Variants in BEND7 observed in about 807,000 individuals in gnomAD.
BEND7 encodes BEN domain-containing protein 7.
Under a neutral mutation model 50.9 loss-of-function variants are expected in BEND7, and 28 were observed. The observed-to-expected ratio is 0.55, with a 90% CI of 0.41 to 0.75. The LOEUF (loss-of-function observed/expected upper bound fraction) is 0.75, where lower values mean the gene tolerates loss of function less well. Among genes scored for constraint, BEND7 ranks in the 30% least tolerant of loss-of-function variants. The pLI is 0.00. For synonymous variants in BEND7, 170 were observed against 183.9 expected (o/e 0.92, Z 0.61); for missense variants, 477 against 491.3 (o/e 0.97, Z 0.28).
At chr10:13,497,869 G>A (rs1439525948) in intron 3 of BEND7, among the ~76,000 whole-genome samples, 1 of 151,908 alleles carries the variant, frequency 6.6e-6, no homozygotes, top group Non-Finnish European at 1.5e-5. Flanking sequence ...CTTAAATCCT[G>A]TAATATGCAT....
At position 13,441,629 on chromosome 10, in the gene BEND7, G is replaced by A; in HGVS notation, c.*114C>T. On this transcript the variant is annotated 3_prime_UTR_variant, in exon 9 of 9. Coordinates refer to ENST00000466271, the MANE Select transcript of BEND7 (RefSeq NM_001369863.1). ...TCATCCTATTTTAACACGGCGAAAG[G>A]TCACCAATTAATCTTCTCCCTTCCC... 6.3e-7 allele frequency: 1 copy of A among 1,578,456 alleles called. No individual in the cohort carries two copies. Among genetic ancestry groups the A allele is most frequent in the Non-Finnish European group, 8.6e-7 (1 of 1,164,236 alleles).
intron 8 of BEND7, chr10:13,446,691 T>G (rs192865054): frequency 6.5e-6 from 1 of 153,756 alleles, no homozygotes; most frequent in East Asian, 1.9e-4. Context: ...GTTGGAATTA[T>G]GTCTATGGCT....
chr10:13,480,894 C>G lies in BEND7; in HGVS notation c.1063+5G>C. On this transcript the variant is annotated splice_donor_5th_base_variant and intron_variant, in intron 6 of 8. Coordinates refer to ENST00000466271, the MANE Select transcript of BEND7 (RefSeq NM_001369863.1). ...AACCCACAAAATGAAATGATGCAGA[C>G]CAACCTTTTATTGCACCCACAATAT... 1 of 1,614,048 alleles carries G rather than the reference C, an allele frequency of 6.2e-7. No individual in the cohort carries two copies. The highest frequency in any genetic ancestry group is 8.5e-7 in the Non-Finnish European group (1 of 1,179,998).
At chr10:13,451,994 G>A (rs769139182) in intron 7 of BEND7, among the ~76,000 whole-genome samples, 1 of 152,008 alleles carries the variant, frequency 6.6e-6, no homozygotes, top group Non-Finnish European at 1.5e-5. Flanking sequence ...AATGAAACGG[G>A]TGCTCACTTT....
In BEND7 at chr10:13,441,697, A is replaced by C. The variant is rs1357208219; in HGVS notation, c.*46T>G. The C allele has an allele frequency of 6.2e-7, 1 of 1,612,552 alleles. No homozygotes were observed. The highest frequency in any genetic ancestry group is 8.5e-7 in the Non-Finnish European group (1 of 1,179,578). On this transcript the variant is annotated 3_prime_UTR_variant, in exon 9 of 9. Coordinates refer to ENST00000466271, the MANE Select transcript of BEND7 (RefSeq NM_001369863.1). ...GTGGGAGGCAGAGGACGGATTTTAAAACCCATGGTGCAAAAAACACAAGAG... is the reference window on the plus strand; with the variant it reads ...GTGGGAGGCAGAGGACGGATTTTAACACCCATGGTGCAAAAAACACAAGAG...
chr10:13,478,453 G>C (rs554126409), intron 6 of BEND7, among the ~76,000 whole-genome samples: 24 of 152,318 alleles, frequency 1.6e-4, no homozygotes, highest in African/African-American at 5.3e-4. Context: ...TTAAGACAAA[G>C]TGTGTCCTTA....
At chr10:13,480,515 CTT>C (rs112536172) in intron 6 of BEND7, 899 of 432,416 alleles carry the variant, frequency 2.1e-3, no homozygotes, top group Non-Finnish European at 2.5e-3. Context: ...TTTACTTTAT[CTT>C]TTTTTTTTTT....
intron 6 of BEND7, among the ~76,000 whole-genome samples, chr10:13,468,669 G>T (rs2074497457): frequency 1.3e-5 from 2 of 152,194 alleles, no homozygotes; most frequent in Admixed American, 6.5e-5. Flanking sequence ...AGGACAGAGT[G>T]ATGCACAGCT....
intron 6 of BEND7, among the ~76,000 whole-genome samples, chr10:13,467,756 A>C (rs986094228): frequency 6.6e-6 from 1 of 152,298 alleles, no homozygotes; most frequent in African/African-American, 2.4e-5. Context: ...TACGTATCCA[A>C]TGTGGGAGTG....
At chr10:13,499,340 G>A (rs569759335) in intron 3 of BEND7, among the ~76,000 whole-genome samples, 233 of 150,240 alleles carry the variant, frequency 1.6e-3, no homozygotes, top group Non-Finnish European at 2.6e-3. Context: ...GTCCGCCCCC[G>A]CCTTTATCTG....
chr10:13,516,216 G>A (rs1049999684), intron 2 of BEND7, among the ~76,000 whole-genome samples: 4 of 152,248 alleles, frequency 2.6e-5, no homozygotes, highest in African/African-American at 9.6e-5. Flanking sequence ...ATAAATAAAA[G>A]ATCACGGAGG....
At chr10:13,520,119 C>T (rs1051782415) in intron 2 of BEND7, among the ~76,000 whole-genome samples, 6 of 152,180 alleles carry the variant, frequency 3.9e-5, no homozygotes, top group Admixed American at 2.0e-4. Flanking sequence ...CAGATCCAGG[C>T]TCTTGTCTCC....
chr10:13,504,060 C>T lies in BEND7; in HGVS notation c.146-3980G>A, dbSNP rs556164018. Among the ~76,000 whole-genome samples the T allele has an allele frequency of 1.2e-3, 183 of 152,262 alleles. 1 individual carries two copies. Among genetic ancestry groups the T allele is most frequent in the African/African-American group, 4.3e-3 (179 of 41,520 alleles). On this transcript the variant is annotated intron_variant, in intron 2 of 8. Transcript: ENST00000466271. The stretch of plus-strand genomic sequence containing the variant: ...AGACAGGAAGAAAGAGGTTTCCTTG[C>T]ACATTTGGGGCAGGTGGGGCAGAGG...
chr10:13,519,830 T>C (rs1183143344), intron 2 of BEND7, among the ~76,000 whole-genome samples: 1 of 152,182 alleles, frequency 6.6e-6, no homozygotes, highest in Non-Finnish European at 1.5e-5. Flanking sequence ...AGGATTTTAC[T>C]AGAAGGAGTT....
intron 6 of BEND7, chr10:13,459,820 G>GT (rs1177714787): frequency 6.6e-6 from 1 of 151,890 alleles, no homozygotes; most frequent in Admixed American, 6.7e-5. Context: ...ACTTGTTGGG[G>GT]TCAAGGGGCT....
intron 8 of BEND7, chr10:13,445,757 T>A (rs1346039740): frequency 6.6e-6 from 1 of 152,072 alleles, no homozygotes; most frequent in East Asian, 1.9e-4. Context: ...ACTCACCACT[T>A]GGGGGTGAAT....
chr10:13,515,352 ATAAT>A (rs1408898286), intron 2 of BEND7, among the ~76,000 whole-genome samples: 1 of 152,256 alleles, frequency 6.6e-6, no homozygotes, highest in African/African-American at 2.4e-5. Context: ...AGATAGCAGT[ATAAT>A]TAGTTTTCTC....
At chr10:13,450,817 T>C (rs1170100758) in intron 7 of BEND7, among the ~76,000 whole-genome samples, 1 of 152,104 alleles carries the variant, frequency 6.6e-6, no homozygotes, top group Non-Finnish European at 1.5e-5. Context: ...GGTCTCATCC[T>C]GTAGAAGTGG....
At chr10:13,516,350 C>T (rs974156014) in intron 2 of BEND7, among the ~76,000 whole-genome samples, 2 of 152,296 alleles carry the variant, frequency 1.3e-5, no homozygotes, top group South Asian at 2.1e-4. Flanking sequence ...CGGGGTGGCG[C>T]GGAGGCTGGT....
Sources: allele counts gnomAD v4.1 joint callset (sites outside exome capture counted in the v4.1 genomes callset), GRCh38; gene constraint gnomAD v4.1.1; transcripts MANE v1.5; gene names NCBI Gene and HGNC (gene_info 2026-07-23, HGNC 2026-07-21).